Variants in SVIL observed in about 807,000 individuals in gnomAD.
The protein encoded by SVIL is archvillin.
A neutral mutation model predicts 240.4 loss-of-function variants in SVIL; 101 were observed. That is an observed-to-expected ratio of 0.42 (90% CI 0.36 to 0.50). The LOEUF (loss-of-function observed/expected upper bound fraction) is 0.50. Among genes scored for constraint, SVIL ranks in the 20% least tolerant of loss-of-function variants. The pLI is 0.01. For missense variants in SVIL, 2,512 were observed against 2,818.7 expected (o/e 0.89, Z 2.46); for synonymous variants, 999 against 1,100.0 (o/e 0.91, Z 1.82).
intron 1 of SVIL, among the ~76,000 whole-genome samples, chr10:29,609,175 C>T (rs1159046526): frequency 6.6e-6 from 1 of 152,214 alleles, no homozygotes; most frequent in Non-Finnish European, 1.5e-5. Flanking sequence ...TCTTCCTAGA[C>T]ACAGGACAAG....
intron 1 of SVIL, among the ~76,000 whole-genome samples, chr10:29,727,811 G>T (rs1361035691): frequency 6.6e-6 from 1 of 151,952 alleles, no homozygotes; most frequent in East Asian, 1.9e-4. Context: ...ACAAGTGCCA[G>T]GTGGGAGGGC....
chr10:29,555,596 G>A (rs1210297830), intron 3 of SVIL, among the ~76,000 whole-genome samples: 1 of 152,150 alleles, frequency 6.6e-6, no homozygotes, highest in Non-Finnish European at 1.5e-5. Context: ...TGGCTAAGAA[G>A]TAAAATCCTA....
chr10:29,723,862 C>T (rs112627671), intron 1 of SVIL, among the ~76,000 whole-genome samples: 2,491 of 152,158 alleles, frequency 0.016, 65 homozygotes, highest in African/African-American at 0.055. Context: ...ACAAGCAATG[C>T]GTGTGAATTT....
At chr10:29,606,723 T>C (rs148885785) in intron 1 of SVIL, among the ~76,000 whole-genome samples, 341 of 152,292 alleles carry the variant, frequency 2.2e-3, no homozygotes, top group African/African-American at 7.8e-3. Flanking sequence ...AATAATGCAT[T>C]TGTGGTTTCA....
chr10:29,574,735 T>G (rs962508982), intron 1 of SVIL, among the ~76,000 whole-genome samples: 1 of 152,182 alleles, frequency 6.6e-6, no homozygotes, highest in Non-Finnish European at 1.5e-5. Flanking sequence ...TGTAAACTTG[T>G]CCTGGATTGA....
rs547572470 is a variant in SVIL, at chr10:29,523,830, C to T, written c.2784G>A (p.Ser928=). The stretch of plus-strand genomic sequence containing the variant: ...CCTCTACCAAAGGCTGCCAAGCTTG[C>T]GATTTCAGAATGCTTCTAACTGGAG... ...SDSPVRSILK[S]QAWQPLVEGS... The change falls in exon 15 of 38, where the codon TCG becomes TCA. Residue 928 remains serine, a synonymous_variant. Coordinates refer to ENST00000355867, the MANE Select transcript of SVIL (RefSeq NM_021738.3). 19 of 1,614,034 alleles carry T rather than the reference C, an allele frequency of 1.2e-5. No individual in the cohort carries two copies. The highest frequency in any genetic ancestry group is 2.7e-5 in the African/African-American group (2 of 74,908).
intron 2 of SVIL, among the ~76,000 whole-genome samples, chr10:29,662,915 C>A (rs938545602): frequency 6.6e-6 from 1 of 152,134 alleles, no homozygotes; most frequent in African/African-American, 2.4e-5. Context: ...GTTTGAGACC[C>A]ACCTGGGCAG....
intron 1 of SVIL, among the ~76,000 whole-genome samples, chr10:29,731,005 C>T (rs759605294): frequency 2.6e-5 from 4 of 152,138 alleles, no homozygotes; most frequent in Admixed American, 6.6e-5. Flanking sequence ...AGGACATGTA[C>T]GTAAAATTTG....
chr10:29,486,504 A>G lies in SVIL; in HGVS notation c.4539T>C (p.Ala1513=). 6.2e-7 allele frequency: 1 copy of G among 1,614,228 alleles called. No homozygotes were observed. The highest frequency in any genetic ancestry group is 8.5e-7 in the Non-Finnish European group (1 of 1,180,046). Residue 1513 remains alanine, a synonymous_variant, in exon 25 of 38, where the codon GCT becomes GCC. Transcript: ENST00000355867. ...CTTCTTCAATGGTTTGGATATAAGT[A>G]GCTCTACAACCAAGTTCCCTCTTTG... ...IQTKRELGCR[A]TYIQTIEEGI...
chr10:29,734,025 G>A (rs991433822), intron 1 of SVIL, among the ~76,000 whole-genome samples: 4 of 152,188 alleles, frequency 2.6e-5, no homozygotes, highest in Non-Finnish European at 4.4e-5. Flanking sequence ...CAGTGGCAAA[G>A]TCACACACAG....
chr10:29,462,366 G>T lies in SVIL; in HGVS notation c.6313C>A (p.Leu2105Ile), dbSNP rs777567404. The T allele has an allele frequency of 6.8e-6, 11 of 1,614,034 alleles. No individual in the cohort carries two copies. The South Asian group carries it at 1.1e-4, about 16-fold the overall frequency. ...NLKKPAPKSY[L>I]IHAGLEPLTF... ...AGGGGCTCCAGACCAGCGTGGATAA[G>T]GTAAGACTTGGGGGCTGGTTTCTTG... is the stretch of plus-strand genomic sequence containing the variant. Residue 2105 changes from leucine (L) to isoleucine (I), a missense_variant, in exon 36 of 38, where the codon CTT becomes ATT. This residue lies in a region of SVIL where 797 missense variants were observed against 925.3 expected (regional missense o/e 0.86). Transcript: ENST00000355867.
At chr10:29,591,327 G>C (rs1405309511) in intron 1 of SVIL, among the ~76,000 whole-genome samples, 1 of 152,134 alleles carries the variant, frequency 6.6e-6, no homozygotes, top group African/African-American at 2.4e-5. Context: ...ATGCCCTCAA[G>C]AAGAACCTGT....
At chr10:29,514,856 A>T (rs1445927574) in intron 16 of SVIL, among the ~76,000 whole-genome samples, 2 of 152,194 alleles carry the variant, frequency 1.3e-5, no homozygotes, top group East Asian at 3.8e-4. Context: ...ATGGGATGAG[A>T]TATATTCTAT....
intron 1 of SVIL, among the ~76,000 whole-genome samples, chr10:29,697,578 C>T (rs1244922392): frequency 2.5e-5 from 3 of 118,890 alleles, no homozygotes; most frequent in Admixed American, 9.1e-5. Flanking sequence ...GGATTAAGGG[C>T]GGTGCAAGAT....
In SVIL at chr10:29,512,785, G is replaced by T; in HGVS notation, c.3466C>A (p.Pro1156Thr). 1 of 1,613,582 alleles carries T rather than the reference G, an allele frequency of 6.2e-7. No homozygotes were observed. Among genetic ancestry groups the T allele is most frequent in the Non-Finnish European group, 8.5e-7 (1 of 1,180,026 alleles). The change falls in exon 17 of 38, where the codon CCG becomes ACG. Residue 1156 changes from proline (P) to threonine (T), a missense_variant. Around this residue, in one of 3 missense-constraint regions of SVIL, gnomAD observed 1,443 missense variants for 1,486.6 expected, o/e 0.97. Coordinates refer to ENST00000355867, the MANE Select transcript of SVIL (RefSeq NM_021738.3). ...LSRRQEGGKA[P>T]ASSLHTQEAG... The stretch of plus-strand genomic sequence containing the variant: ...TCCTGGGTGTGCAGGCTGCTGGCCG[G>T]CGCCTTGCCGCCCTCCTGCCTCCTG...
chr10:29,726,513 G>A (rs1490024624), intron 1 of SVIL, among the ~76,000 whole-genome samples: 1 of 151,982 alleles, frequency 6.6e-6, no homozygotes, highest in Admixed American at 6.6e-5. Flanking sequence ...TTGGGAGGCC[G>A]AGGCGGGCGG....
chr10:29,526,859 A>G, intron 13 of SVIL, 102 bp downstream of exon 13: 1 of 989,316 alleles, frequency 1.0e-6, no homozygotes, highest in South Asian at 1.9e-5. Flanking sequence ...CACGGCATTG[A>G]CTTGTTTGTC....
chr10:29,572,349 C>T (rs1356909928), intron 1 of SVIL, among the ~76,000 whole-genome samples: 3 of 151,946 alleles, frequency 2.0e-5, no homozygotes, highest in Non-Finnish European at 1.5e-5. Flanking sequence ...ACGTCAGTAC[C>T]TTGGATAACT....
chr10:29,478,088 T>G (rs559078980), intron 29 of SVIL, among the ~76,000 whole-genome samples: 8 of 152,308 alleles, frequency 5.3e-5, no homozygotes, highest in African/African-American at 1.9e-4. Context: ...ACAAGTGCCT[T>G]TAGTTTGTTC....
Sources: gnomAD v4.1 joint callset for allele counts (sites outside exome capture counted in the v4.1 genomes callset) on GRCh38, gnomAD v4.1.1 for gene constraint, gnomAD v4.1.1 regional missense constraint, MANE v1.5 for transcripts, NCBI Gene and HGNC (gene_info 2026-07-23, HGNC 2026-07-21) for gene names.